Variants in HNF1B observed in about 807,000 individuals in gnomAD.
HNF1B encodes the protein HNF1 homeobox B, also known as hepatocyte nuclear factor 1-beta.
In HNF1B, 8 loss-of-function variants were observed where a neutral mutation model predicts 61.7. That is an observed-to-expected ratio of 0.13 (90% CI 0.08 to 0.23). HNF1B has a LOEUF of 0.23. Among genes scored for constraint, HNF1B ranks in the 10% least tolerant of loss-of-function variants. The pLI is 1.00. For synonymous variants in HNF1B, 314 were observed against 287.7 expected, an observed-to-expected ratio of 1.09 and a Z score of -0.93; for missense variants, 562 against 714.5, an observed-to-expected ratio of 0.79 and a Z score of 2.43.
intron 8 of HNF1B, among the ~76,000 whole-genome samples, chr17:37,692,501 A>G (rs1400552350): frequency 6.6e-6 from 1 of 152,200 alleles, no homozygotes; most frequent in Non-Finnish European, 1.5e-5. Flanking sequence ...AAAAATAACG[A>G]CCTTGCAGAA....
At position 37,690,827 on chromosome 17, in the gene HNF1B, C is replaced by T. The variant is rs8065402; in HGVS notation, c.1654-3435G>A. Among the ~76,000 whole-genome samples, 630 of 152,278 alleles carry T rather than the reference C, an allele frequency of 4.1e-3. 5 individuals carry two copies. The highest frequency in any genetic ancestry group is 0.014 in the African/African-American group (599 of 41,552). On this transcript the variant is annotated intron_variant, in intron 8 of 8. Transcript: ENST00000617811. ...ATTTTAGACATGCGTCTGTCCCTGCCGAAGCAGCACTGGATCTGTGAGTGA... is the reference window on the plus strand; with the variant it reads ...ATTTTAGACATGCGTCTGTCCCTGCTGAAGCAGCACTGGATCTGTGAGTGA...
At position 37,731,809 on chromosome 17, in the gene HNF1B, C is replaced by T. The variant is rs199797518; in HGVS notation, c.831G>A (p.Gly277=). 2.6e-5 allele frequency: 42 copies of T among 1,613,452 alleles called. No individual in the cohort carries two copies. The East Asian group carries it at 7.8e-4, about 30-fold the overall frequency. The part of the protein sequence containing the change: ...ECNRAECLQR[G]VSPSKAHGLG... ...GGCCGTGGGCTTTGGAGGGGGACAC[C>T]CCTCGCTGCAAACATTCTGCCCTGG... The change falls in exon 4 of 9, where the codon GGG becomes GGA. Residue 277 remains glycine (G), a synonymous_variant. Transcript: ENST00000617811.
intron 4 of HNF1B, among the ~76,000 whole-genome samples, chr17:37,719,428 G>A (rs1484209268): frequency 6.6e-6 from 1 of 152,190 alleles, no homozygotes; most frequent in Non-Finnish European, 1.5e-5. Context: ...CAATTAATGG[G>A]AATTTACTGT....
At chr17:37,735,079 C>T (rs189837066) in intron 2 of HNF1B, among the ~76,000 whole-genome samples, 5 of 152,228 alleles carry the variant, frequency 3.3e-5, no homozygotes, top group East Asian at 1.9e-4. Context: ...TGTGAGCCAC[C>T]GTGCCCGACC....
intron 8 of HNF1B, among the ~76,000 whole-genome samples, chr17:37,691,489 G>T (rs114839391): frequency 1.5e-3 from 233 of 152,190 alleles, no homozygotes; most frequent in African/African-American, 5.3e-3. Context: ...AATGCCCTTT[G>T]CCACGTAAGA....
At chr17:37,711,236 G>A (rs2032926188) in intron 4 of HNF1B, among the ~76,000 whole-genome samples, 2 of 152,222 alleles carry the variant, frequency 1.3e-5, no homozygotes, top group African/African-American at 2.4e-5. Flanking sequence ...GAGGTCAGGG[G>A]CACGGACACA....
intron 8 of HNF1B, among the ~76,000 whole-genome samples, chr17:37,695,795 C>T (rs1280204846): frequency 6.6e-6 from 1 of 152,208 alleles, no homozygotes; most frequent in East Asian, 1.9e-4. Flanking sequence ...CTGCCCAATG[C>T]CTGTACCACC....
At chr17:37,725,115 T>A (rs1185112492) in intron 4 of HNF1B, among the ~76,000 whole-genome samples, 3 of 152,306 alleles carry the variant, frequency 2.0e-5, no homozygotes, top group South Asian at 2.1e-4. Flanking sequence ...CTGTAATACC[T>A]AATTCTCTCC....
chr17:37,692,449 C>T (rs1165799627), intron 8 of HNF1B, among the ~76,000 whole-genome samples: 1 of 152,200 alleles, frequency 6.6e-6, no homozygotes, highest in Non-Finnish European at 1.5e-5. Context: ...CAGATCCATA[C>T]CCATCTTTGA....
chr17:37,716,004 C>A (rs536008116), intron 4 of HNF1B, among the ~76,000 whole-genome samples: 7 of 151,900 alleles, frequency 4.6e-5, no homozygotes, highest in Non-Finnish European at 8.8e-5. Context: ...TGGTGGTACG[C>A]GCATTAGCTA....
chr17:37,736,801 G>C (rs1210725984), intron 2 of HNF1B, among the ~76,000 whole-genome samples: 1 of 152,140 alleles, frequency 6.6e-6, no homozygotes, highest in Non-Finnish European at 1.5e-5. Flanking sequence ...CAGCCAGGTG[G>C]GTTTGCCTGT....
chr17:37,691,176 G>A (rs1213250647), intron 8 of HNF1B, among the ~76,000 whole-genome samples: 1 of 152,188 alleles, frequency 6.6e-6, no homozygotes, highest in Non-Finnish European at 1.5e-5. Context: ...GGAGGGGATC[G>A]TGAGCTGGAC....
chr17:37,689,243 A>G (rs1281225354), intron 8 of HNF1B, among the ~76,000 whole-genome samples: 3 of 151,106 alleles, frequency 2.0e-5, no homozygotes, highest in Non-Finnish European at 4.4e-5. Flanking sequence ...GACGTTGGTC[A>G]GGGTCCTCTG....
At chr17:37,720,636 C>G (rs1415788459) in intron 4 of HNF1B, 2 of 247,668 alleles carry the variant, frequency 8.1e-6, no homozygotes, top group Non-Finnish European at 1.3e-5. Flanking sequence ...TGACAGGAAG[C>G]CTTCTATAAT....
intron 5 of HNF1B, among the ~76,000 whole-genome samples, chr17:37,705,503 T>G (rs773198355): frequency 1.6e-4 from 25 of 152,294 alleles, no homozygotes; most frequent in Non-Finnish European, 3.1e-4. Context: ...TTTCTCTACT[T>G]TTTCCACATC....
At chr17:37,715,398 T>C (rs1178596168) in intron 4 of HNF1B, among the ~76,000 whole-genome samples, 3 of 152,222 alleles carry the variant, frequency 2.0e-5, no homozygotes, top group Non-Finnish European at 4.4e-5. Context: ...ATACAGTCAG[T>C]TGTGTATTTA....
rs753631084 is a variant in HNF1B at position 37,731,668 on chromosome 17, G to A, written c.972C>T (p.His324=). The A allele has an allele frequency of 2.5e-6, 4 of 1,614,126 alleles. No individual in the cohort carries two copies. Among genetic ancestry groups the A allele is most frequent in the East Asian group, 4.5e-5 (2 of 44,888 alleles). Residue 324 remains histidine (H), a synonymous_variant, in exon 4 of 9, where the codon CAC becomes CAT. Transcript: ENST00000617811. ...AMDAYSSNQT[H]SLNPLLSHGS... is the part of the protein sequence containing the mutation. ...CGTGGGAGAGCAGAGGGTTCAGGCTGTGAGTCTGGTTGGAGCTATAGGCGT... is the reference window on the plus strand; with the variant it reads ...CGTGGGAGAGCAGAGGGTTCAGGCTATGAGTCTGGTTGGAGCTATAGGCGT...
At chr17:37,720,905 G>C (rs1409741885) in intron 4 of HNF1B, 1 of 985,280 alleles carries the variant, frequency 1.0e-6, no homozygotes. Flanking sequence ...AGACAATGAA[G>C]AAGAACGGCC....
At chr17:37,702,280 A>T (rs1162980850) in intron 6 of HNF1B, among the ~76,000 whole-genome samples, 3 of 152,202 alleles carry the variant, frequency 2.0e-5, no homozygotes, top group Non-Finnish European at 4.4e-5. Context: ...GGAAGTCATC[A>T]ATGGAGATAA....
Sources: gnomAD v4.1 joint callset for allele counts (sites outside exome capture counted in the v4.1 genomes callset) on GRCh38, gnomAD v4.1.1 for gene constraint, MANE v1.5 for transcripts, NCBI Gene and HGNC (gene_info 2026-07-23, HGNC 2026-07-21) for gene names.